The following CSMD1 variants were observed in gnomAD, a reference collection of about 807,000 sequenced individuals.
CSMD1 encodes the protein CUB and Sushi multiple domains 1.
CSMD1 carries 213 observed loss-of-function variants against 417.5 expected under a neutral mutation model. That is an observed-to-expected ratio of 0.51 (90% CI 0.46 to 0.57). CSMD1 has a LOEUF of 0.57. Ranked by LOEUF, CSMD1 falls within the 20% of genes least tolerant of loss-of-function variation. The pLI is 0.00. For synonymous variants in CSMD1, 2,862 were observed against 1,736.8 expected, an observed-to-expected ratio of 1.65 and a Z score of -16.11; for missense variants, 6,923 against 4,529.7, an observed-to-expected ratio of 1.53 and a Z score of -15.17.
chr8:4,939,500 TATGA>T (rs1458612515), intron 1 of CSMD1, among the ~76,000 whole-genome samples: 1 of 152,172 alleles, frequency 6.6e-6, no homozygotes, highest in African/African-American at 2.4e-5. Context: ...TTTGTGACAA[TATGA>T]ATGAAACAGA....
intron 3 of CSMD1, among the ~76,000 whole-genome samples, chr8:4,133,052 C>T (rs977156656): frequency 6.6e-6 from 1 of 152,118 alleles, no homozygotes; most frequent in African/African-American, 2.4e-5. Context: ...TTTTCTGCCT[C>T]AGCCTCTTGA....
At chr8:4,894,260 ATCAAG>A (rs1563695531) in intron 1 of CSMD1, among the ~76,000 whole-genome samples, 2 of 152,100 alleles carry the variant, frequency 1.3e-5, no homozygotes, top group Non-Finnish European at 2.9e-5. Context: ...TCTTTTACCT[ATCAAG>A]TCTTTTGTTT....
chr8:4,521,218 G>C (rs752365962), intron 2 of CSMD1, among the ~76,000 whole-genome samples: 1 of 152,140 alleles, frequency 6.6e-6, no homozygotes, highest in African/African-American at 2.4e-5. Flanking sequence ...ATACTAAAAT[G>C]TAACAAAAAA....
intron 2 of CSMD1, among the ~76,000 whole-genome samples, chr8:4,482,870 G>C (rs375172363): frequency 2.0e-5 from 3 of 152,136 alleles, no homozygotes; most frequent in South Asian, 4.1e-4. Flanking sequence ...TTTTTTTAAG[G>C]AACTTCATAA....
intron 42 of CSMD1, among the ~76,000 whole-genome samples, chr8:3,114,942 CTG>C (rs909204187): frequency 2.0e-5 from 3 of 152,050 alleles, no homozygotes; most frequent in African/African-American, 7.2e-5. Context: ...TTATCTCTGT[CTG>C]TGCAATTCCC....
intron 1 of CSMD1, among the ~76,000 whole-genome samples, chr8:4,649,143 G>C (rs895662359): frequency 3.9e-5 from 6 of 152,172 alleles, no homozygotes; most frequent in Admixed American, 1.3e-4. Flanking sequence ...CAAGAAGATA[G>C]TAATGCTCTA....
At chr8:3,816,070 T>C (rs901738443) in intron 5 of CSMD1, among the ~76,000 whole-genome samples, 1 of 152,214 alleles carries the variant, frequency 6.6e-6, no homozygotes, top group Non-Finnish European at 1.5e-5. Flanking sequence ...ATGACAATAC[T>C]TGCCTTCCTG....
intron 31 of CSMD1, among the ~76,000 whole-genome samples, chr8:3,204,057 A>G (rs2116744205): frequency 6.6e-6 from 1 of 152,364 alleles, no homozygotes; most frequent in South Asian, 2.1e-4. Context: ...AGGAAAGAGT[A>G]ACGAATGGGG....
chr8:4,267,200 A>G lies in CSMD1; in HGVS notation c.415+152753T>C, dbSNP rs532903203. On this transcript the variant is annotated intron_variant, in intron 3 of 69. Coordinates refer to ENST00000635120, the MANE Select transcript of CSMD1 (RefSeq NM_033225.6). The stretch of plus-strand genomic sequence containing the variant: ...TCATTAATTCCAAAAAATGCACAAC[A>G]AAAGAATCCATTAACAACAGTTATT... 1.9e-5 allele frequency among the ~76,000 whole-genome samples: 2 copies of G among 104,478 alleles called. 1 individual carries two copies. The highest frequency in any genetic ancestry group is 1.8e-4 in the Admixed American group (2 of 11,044). 68.5% of individuals were successfully genotyped at this position (104,478 alleles called of 152,430 possible). A position where few individuals can be genotyped will look rare whatever the true frequency, so the allele number is the denominator to read the frequency against.
At chr8:4,376,697 T>G (rs887318668) in intron 3 of CSMD1, among the ~76,000 whole-genome samples, 2 of 152,242 alleles carry the variant, frequency 1.3e-5, no homozygotes, top group Non-Finnish European at 2.9e-5. Context: ...TATTAATTCT[T>G]TAATCTTTGC....
intron 4 of CSMD1, among the ~76,000 whole-genome samples, chr8:4,004,519 T>C (rs1453080610): frequency 6.6e-6 from 1 of 151,964 alleles, no homozygotes; most frequent in Non-Finnish European, 1.5e-5. Context: ...TCAGCAACAA[T>C]GAAAACATAA....
chr8:3,627,571 G>T (rs916454822), intron 7 of CSMD1, among the ~76,000 whole-genome samples: 34 of 152,222 alleles, frequency 2.2e-4, no homozygotes, highest in African/African-American at 8.2e-4. Context: ...ATCTGTAAAT[G>T]TGGAAAAGGT....
At chr8:3,758,186 A>G (rs1454603672) in intron 5 of CSMD1, among the ~76,000 whole-genome samples, 1 of 151,770 alleles carries the variant, frequency 6.6e-6, no homozygotes, top group Non-Finnish European at 1.5e-5. Context: ...CTGGTCTCAA[A>G]CTCCTGACCT....
At chr8:4,449,840 G>T (rs1185624827) in intron 2 of CSMD1, among the ~76,000 whole-genome samples, 1 of 152,156 alleles carries the variant, frequency 6.6e-6, no homozygotes. Context: ...CCCTATCTCA[G>T]TAAATGACTT....
chr8:3,969,950 C>T (rs1038151604), intron 5 of CSMD1, among the ~76,000 whole-genome samples: 1 of 152,152 alleles, frequency 6.6e-6, no homozygotes, highest in Non-Finnish European at 1.5e-5. Context: ...CAACCTCTCC[C>T]AGCATTTTCT....
chr8:4,231,064 G>A lies in CSMD1; in HGVS notation c.415+188889C>T, dbSNP rs148512301. On this transcript the variant is annotated intron_variant, in intron 3 of 69. Coordinates refer to ENST00000635120, the MANE Select transcript of CSMD1 (RefSeq NM_033225.6). ...CTACCGTGGGAAAATTGGGGAAAGCGTTTTTACAAGGGTTATCCTAAATTA... is the reference window on the plus strand; with the variant it reads ...CTACCGTGGGAAAATTGGGGAAAGCATTTTTACAAGGGTTATCCTAAATTA... Among the ~76,000 whole-genome samples the A allele has an allele frequency of 7.9e-5, 12 of 152,284 alleles. No individual in the cohort carries two copies. The East Asian group carries it at 1.7e-3, about 22-fold the overall frequency.
intron 7 of CSMD1, among the ~76,000 whole-genome samples, chr8:3,700,086 A>C (rs924565179): frequency 3.9e-5 from 6 of 152,142 alleles, no homozygotes; most frequent in Admixed American, 3.9e-4. Flanking sequence ...AATGATACAA[A>C]GGGCTCTGTG....
chr8:4,627,878 T>C (rs1180524967), intron 2 of CSMD1, among the ~76,000 whole-genome samples: 1 of 152,140 alleles, frequency 6.6e-6, no homozygotes, highest in Non-Finnish European at 1.5e-5. Context: ...TTTCTGATAC[T>C]GTATGGCAGA....
intron 49 of CSMD1, among the ~76,000 whole-genome samples, chr8:3,079,924 G>A (rs1264136057): frequency 1.3e-5 from 2 of 152,118 alleles, no homozygotes; most frequent in Non-Finnish European, 2.9e-5. Context: ...CTTTGCACCA[G>A]TTCCGTCCTT....
Sources: gnomAD v4.1 joint callset for allele counts (sites outside exome capture counted in the v4.1 genomes callset) on GRCh38, gnomAD v4.1.1 for gene constraint, MANE v1.5 for transcripts, NCBI Gene and HGNC (gene_info 2026-07-23, HGNC 2026-07-21) for gene names.